Variants in C1orf21 observed in about 807,000 individuals in gnomAD.
The protein encoded by C1orf21 is uncharacterized protein C1orf21.
A neutral mutation model predicts 18.7 loss-of-function variants in C1orf21; 3 were observed. That is an observed-to-expected ratio of 0.16 (90% CI 0.07 to 0.42). The LOEUF is 0.42. Among genes scored for constraint, C1orf21 ranks in the 10% least tolerant of loss-of-function variants. C1orf21 has a pLI of 0.99. For synonymous variants in C1orf21, 41 were observed against 46.4 expected (o/e 0.88, Z 0.47); for missense variants, 104 against 143.6 (o/e 0.72, Z 1.41).
intron 1 of C1orf21, among the ~76,000 whole-genome samples, chr1:184,426,152 C>G (rs141657205): frequency 6.6e-6 from 1 of 152,244 alleles, no homozygotes; most frequent in African/African-American, 2.4e-5. Flanking sequence ...AATTATTACC[C>G]AATCATAAAT....
chr1:184,463,057 G>T (rs546389239), intron 1 of C1orf21, among the ~76,000 whole-genome samples: 1 of 148,294 alleles, frequency 6.7e-6, no homozygotes, highest in African/African-American at 2.5e-5. Context: ...ACTCTGGCCT[G>T]GGCGACACGA....
intron 2 of C1orf21, among the ~76,000 whole-genome samples, chr1:184,489,642 A>G (rs1657787573): frequency 1.3e-5 from 2 of 152,232 alleles, no homozygotes; most frequent in South Asian, 4.1e-4. Context: ...CTGATGAAAC[A>G]TGCATGGAAT....
At chr1:184,398,477 A>G (rs1308106992) in intron 1 of C1orf21, among the ~76,000 whole-genome samples, 1 of 152,074 alleles carries the variant, frequency 6.6e-6, no homozygotes, top group East Asian at 1.9e-4. Flanking sequence ...CTTTCTTCTC[A>G]TTTACTGGTT....
Position 184,477,499 on chromosome 1 carries a change from C to T in C1orf21, c.-11C>T, listed in dbSNP as rs140348258. ...GCAGTTCAGCCCGGCTGAAGCTGAC[C>T]GAATGAGACTATGGGCTGTGCCTCC... is the stretch of plus-strand genomic sequence containing the variant. On this transcript the variant is annotated 5_prime_UTR_variant, in exon 2 of 6. Transcript: ENST00000235307. 215 of 1,611,664 alleles carry T rather than the reference C, an allele frequency of 1.3e-4. 1 individual carries two copies. The East Asian group carries it at 3.8e-3, about 29-fold the overall frequency.
intron 2 of C1orf21, among the ~76,000 whole-genome samples, chr1:184,502,830 C>T (rs543077376): frequency 2.0e-5 from 3 of 152,152 alleles, no homozygotes; most frequent in South Asian, 2.1e-4. Flanking sequence ...GTAATTCCAA[C>T]ACTTTGGGAG....
chr1:184,410,416 C>T (rs538131818), intron 1 of C1orf21, among the ~76,000 whole-genome samples: 4 of 150,336 alleles, frequency 2.7e-5, no homozygotes, highest in African/African-American at 7.4e-5. Flanking sequence ...GTGTGCAAAA[C>T]GAGAGTCAAT....
At chr1:184,489,216 C>T (rs1348159681) in intron 2 of C1orf21, among the ~76,000 whole-genome samples, 1 of 151,872 alleles carries the variant, frequency 6.6e-6, no homozygotes, top group Non-Finnish European at 1.5e-5. Context: ...GTTAATATGA[C>T]TAATAGAAAA....
Position 184,471,635 on chromosome 1 carries a change from C to T in C1orf21, c.-124-5751C>T, listed in dbSNP as rs529410822. Among the ~76,000 whole-genome samples, 11 of 152,212 alleles carry T rather than the reference C, an allele frequency of 7.2e-5. No individual in the cohort carries two copies. In the East Asian group the frequency reaches 1.9e-3, roughly 27 times the overall value. ...TCTCCAACACTCTTTCCACTTGCCA[C>T]CTCTTCTCCTTGGCCCCACACCTTA... On this transcript the variant is annotated intron_variant, in intron 1 of 5. Transcript: ENST00000235307.
chr1:184,484,036 G>A (rs958674306), intron 2 of C1orf21, among the ~76,000 whole-genome samples: 3 of 151,996 alleles, frequency 2.0e-5, no homozygotes, highest in African/African-American at 7.2e-5. Flanking sequence ...CAATTCTCTT[G>A]CCTCAGCCTC....
At chr1:184,442,205 A>G (rs189033020) in intron 1 of C1orf21, among the ~76,000 whole-genome samples, 30 of 152,332 alleles carry the variant, frequency 2.0e-4, no homozygotes, top group African/African-American at 3.8e-4. Flanking sequence ...CCTTGTACAT[A>G]ATATAATAAC....
At chr1:184,451,449 C>A (rs1279012560) in intron 1 of C1orf21, among the ~76,000 whole-genome samples, 2 of 148,720 alleles carry the variant, frequency 1.3e-5, no homozygotes, top group Non-Finnish European at 3.0e-5. Flanking sequence ...CACCATCATG[C>A]CTGGCTAATT....
At chr1:184,482,028 A>G (rs1657665301) in intron 2 of C1orf21, among the ~76,000 whole-genome samples, 1 of 152,218 alleles carries the variant, frequency 6.6e-6, no homozygotes. Context: ...TGATAGGCCC[A>G]CTTTTTAACC....
At chr1:184,530,600 C>CTTTTTTTTTTTT (rs1184327589) in intron 3 of C1orf21, among the ~76,000 whole-genome samples, 3 of 111,466 alleles carry the variant, frequency 2.7e-5, no homozygotes, top group African/African-American at 6.9e-5. Flanking sequence ...TTTCTTTTTT[C>CTTTTTTTTTTTT]TTTTTTTTTT....
intron 3 of C1orf21, among the ~76,000 whole-genome samples, chr1:184,537,149 A>G (rs1416937778): frequency 6.6e-6 from 1 of 152,176 alleles, no homozygotes; most frequent in Non-Finnish European, 1.5e-5. Flanking sequence ...TCACATAACA[A>G]TATTAACCAT....
intron 1 of C1orf21, among the ~76,000 whole-genome samples, chr1:184,458,496 C>T (rs529861585): frequency 6.6e-6 from 1 of 152,256 alleles, no homozygotes; most frequent in African/African-American, 2.4e-5. Context: ...TAGATCTAGA[C>T]TATTTGAAGC....
At chr1:184,470,190 T>G (rs541228184) in intron 1 of C1orf21, among the ~76,000 whole-genome samples, 36 of 152,290 alleles carry the variant, frequency 2.4e-4, no homozygotes, top group African/African-American at 8.2e-4. Context: ...TCAGCAAAGT[T>G]GCCTGCTATG....
intron 5 of C1orf21, among the ~76,000 whole-genome samples, chr1:184,610,865 G>C (rs6692494): frequency 6.7e-5 from 10 of 150,196 alleles, no homozygotes; most frequent in South Asian, 6.3e-4. Flanking sequence ...AAAAAAAAAG[G>C]CTTCTAAAAT....
chr1:184,484,242 C>T (rs940132156), intron 2 of C1orf21, among the ~76,000 whole-genome samples: 30 of 152,202 alleles, frequency 2.0e-4, no homozygotes, highest in East Asian at 7.8e-4. Context: ...CCTTCATGAT[C>T]GCCTTCTTCA....
chr1:184,572,273 A>G (rs1407654883), intron 3 of C1orf21, among the ~76,000 whole-genome samples: 5 of 152,244 alleles, frequency 3.3e-5, no homozygotes, highest in Non-Finnish European at 7.3e-5. Context: ...CAAATTAAGC[A>G]TGATTGTGTC....
Sources: gnomAD v4.1 joint callset for allele counts (sites outside exome capture counted in the v4.1 genomes callset) on GRCh38, gnomAD v4.1.1 for gene constraint, MANE v1.5 for transcripts, NCBI Gene and HGNC (gene_info 2026-07-23, HGNC 2026-07-21) for gene names.